Variants in LINGO2 observed in about 807,000 individuals in gnomAD.
LINGO2 encodes the protein leucine rich repeat and Ig domain containing 2.
In LINGO2, 14 loss-of-function variants were observed where a neutral mutation model predicts 30.6. The ratio of observed to expected loss-of-function variants is 0.46; its 90% CI spans 0.30 to 0.72. The LOEUF is 0.72. Among genes scored for constraint, LINGO2 ranks in the 30% least tolerant of loss-of-function variants. The pLI, the probability that LINGO2 is intolerant of heterozygous loss-of-function variation, is 0.07. For synonymous variants in LINGO2, 317 were observed against 288.5 expected (o/e 1.10, Z -1.00); for missense variants, 729 against 751.7 (o/e 0.97, Z 0.35).
At chr9:28,023,141 A>G (rs1037664832) in intron 4 of LINGO2, among the ~76,000 whole-genome samples, 1 of 152,116 alleles carries the variant, frequency 6.6e-6, no homozygotes, top group Non-Finnish European at 1.5e-5. Flanking sequence ...ATAATTTGAA[A>G]ATCTGTGTCA....
chr9:28,804,489 G>A, the LINGO2 span, among the ~76,000 whole-genome samples: 1 of 151,510 alleles, frequency 6.6e-6, no homozygotes, highest in Non-Finnish European at 1.5e-5. Context: ...TAGTTTATTT[G>A]ATTTCCAAAT....
chr9:28,722,638 T>G, the LINGO2 span, among the ~76,000 whole-genome samples: 1 of 152,110 alleles, frequency 6.6e-6, no homozygotes, highest in Non-Finnish European at 1.5e-5. Flanking sequence ...TTAAAACAGA[T>G]TCTGAAACAG....
intron 5 of LINGO2, among the ~76,000 whole-genome samples, chr9:27,980,908 T>G (rs1345763945): frequency 1.3e-5 from 2 of 151,894 alleles, no homozygotes; most frequent in Non-Finnish European, 2.9e-5. Flanking sequence ...AATTAGGAAC[T>G]AAAGGCAATT....
chr9:28,230,461 A>T (rs1189996739), intron 4 of LINGO2, among the ~76,000 whole-genome samples: 2 of 151,906 alleles, frequency 1.3e-5, no homozygotes, highest in Non-Finnish European at 3.0e-5. Context: ...ATGTTTCAAT[A>T]ACTGTAGCTT....
chr9:28,776,500 C>A, the LINGO2 span, among the ~76,000 whole-genome samples: 2 of 152,136 alleles, frequency 1.3e-5, no homozygotes, highest in African/African-American at 4.8e-5. Context: ...TCAAATATTA[C>A]TAATTTAACC....
At position 28,329,641 on chromosome 9, in the gene LINGO2, G is replaced by C. The variant is rs550326559; in HGVS notation, c.-245-34275C>G. 5.1e-4 allele frequency among the ~76,000 whole-genome samples: 78 copies of C among 152,190 alleles called. No individual in the cohort carries two copies. In the South Asian group the frequency reaches 6.6e-3, roughly 13 times the overall value. ...CTTGCTATTCTCTCTGCCTGGAATA[G>C]TTTCCTTCCCACTCTCCCCTTCTTT... is the stretch of plus-strand genomic sequence containing the variant. On this transcript the variant is annotated intron_variant, in intron 3 of 5. Transcript: ENST00000379992. This position sits in a 1 kb window ranked among gnomAD's most constrained non-coding sequence, Gnocchi z 4.5.
At chr9:28,830,100 A>T in the LINGO2 span, among the ~76,000 whole-genome samples, 2 of 152,210 alleles carry the variant, frequency 1.3e-5, no homozygotes, top group African/African-American at 4.8e-5. Context: ...ATAAAAGCAG[A>T]GTGCTACAAA....
intron 4 of LINGO2, among the ~76,000 whole-genome samples, chr9:28,064,338 G>A (rs1164662019): frequency 1.3e-5 from 2 of 152,120 alleles, no homozygotes; most frequent in Non-Finnish European, 2.9e-5. Flanking sequence ...CAGTAAAACA[G>A]GGCTGCTTAT....
intron 2 of LINGO2, among the ~76,000 whole-genome samples, chr9:28,449,432 A>G (rs1306327154): frequency 1.3e-5 from 2 of 152,136 alleles, no homozygotes; most frequent in South Asian, 2.1e-4. Flanking sequence ...AATATCCATA[A>G]AGCCAGAAAA....
At chr9:29,051,690 C>T in the LINGO2 span, among the ~76,000 whole-genome samples, 1 of 151,876 alleles carries the variant, frequency 6.6e-6, no homozygotes, top group Admixed American at 6.6e-5. Context: ...TACATAAGGC[C>T]CGTTAGTTTC....
chr9:28,008,441 T>G (rs1447144035), intron 5 of LINGO2, among the ~76,000 whole-genome samples: 2 of 151,818 alleles, frequency 1.3e-5, no homozygotes, highest in Non-Finnish European at 2.9e-5. Flanking sequence ...TTGCAACTTC[T>G]ATTCACCATT....
At chr9:28,274,475 G>A (rs2134101105) in intron 4 of LINGO2, among the ~76,000 whole-genome samples, 1 of 152,228 alleles carries the variant, frequency 6.6e-6, no homozygotes, top group Middle Eastern at 3.4e-3. Context: ...TTTTAAATTA[G>A]GAGAAAACTA....
intron 5 of LINGO2, among the ~76,000 whole-genome samples, chr9:27,953,223 A>T (rs1041041090): frequency 2.2e-4 from 34 of 152,256 alleles, no homozygotes; most frequent in African/African-American, 7.9e-4. Context: ...ACATTAATTG[A>T]TATAGTAGAT....
the LINGO2 span, among the ~76,000 whole-genome samples, chr9:29,152,356 C>T: frequency 6.6e-6 from 1 of 152,122 alleles, no homozygotes; most frequent in Non-Finnish European, 1.5e-5. Flanking sequence ...AAGACACATG[C>T]ATTTTCATGT....
intron 1 of LINGO2, among the ~76,000 whole-genome samples, chr9:28,485,789 C>T (rs1826144644): frequency 6.6e-6 from 1 of 152,032 alleles, no homozygotes; most frequent in Admixed American, 6.6e-5. Flanking sequence ...GTTTGACACT[C>T]CCATGGGGCC....
At chr9:28,792,251 G>A in the LINGO2 span, among the ~76,000 whole-genome samples, 4 of 151,838 alleles carry the variant, frequency 2.6e-5, no homozygotes, top group East Asian at 7.7e-4. Flanking sequence ...AAAGAAAGAA[G>A]GTGAAAGATC....
intron 3 of LINGO2, among the ~76,000 whole-genome samples, chr9:28,368,786 C>T (rs975352892): frequency 6.7e-5 from 9 of 134,000 alleles, no homozygotes; most frequent in Non-Finnish European, 1.4e-4. Flanking sequence ...TTAGTGGAGA[C>T]GGGGTTTCAC....
chr9:28,994,326 A>T, the LINGO2 span, among the ~76,000 whole-genome samples: 9 of 152,160 alleles, frequency 5.9e-5, 1 homozygote, highest in South Asian at 1.4e-3. Flanking sequence ...GTGAAGGACC[A>T]CTTCAAGGAC....
At chr9:28,885,788 G>T in the LINGO2 span, among the ~76,000 whole-genome samples, 8,078 of 152,118 alleles carry the variant, frequency 0.053, 260 homozygotes, top group East Asian at 0.11. Context: ...CATTTGAACA[G>T]GATGCCTGTA....
Sources: allele counts gnomAD v4.1 joint callset (sites outside exome capture counted in the v4.1 genomes callset), GRCh38; gene constraint gnomAD v4.1.1; non-coding constraint Gnocchi (gnomAD v3.1); transcripts MANE v1.5; gene names NCBI Gene and HGNC (gene_info 2026-07-23, HGNC 2026-07-21).